Variants in PRMT2 observed in about 807,000 individuals in gnomAD.
PRMT2 encodes the protein protein arginine methyltransferase 2.
In PRMT2, 26 loss-of-function variants were observed where a neutral mutation model predicts 57.6. That is an observed-to-expected ratio of 0.45 (90% CI 0.33 to 0.63). The LOEUF is 0.63. Among genes scored for constraint, PRMT2 ranks in the 20% least tolerant of loss-of-function variants. The pLI is 0.02. For synonymous variants in PRMT2, 219 were observed against 220.0 expected (o/e 1.00, Z 0.04); for missense variants, 472 against 564.4 (o/e 0.84, Z 1.66).
Position 46,650,040 on chromosome 21 carries a change from T to A in PRMT2, c.654+301T>A, listed in dbSNP as rs527457566. 1.2e-4 allele frequency: 159 copies of A among 1,298,276 alleles called. No individual in the cohort carries two copies. The South Asian group carries it at 2.4e-3, about 20-fold the overall frequency. 80.4% of individuals were successfully genotyped at this position (1,298,276 alleles called of 1,614,324 possible). On this transcript the variant is annotated intron_variant, in intron 7 of 11. Coordinates refer to ENST00000355680, the MANE Select transcript of PRMT2 (RefSeq NM_206962.4). ...AAATCCTGTGCCTAACAGGTAAGGC[T>A]GTTTCTTTAATGCCAGTAGGGCCTT...
chr21:46,651,767 G>A (rs750208195), intron 7 of PRMT2: 11 of 1,608,578 alleles, frequency 6.8e-6, no homozygotes, highest in Middle Eastern at 1.7e-4. Flanking sequence ...TCTGGGAGTC[G>A]TTGGTGCGGT....
chr21:46,651,284 G>A (rs1043162624), intron 7 of PRMT2, among the ~76,000 whole-genome samples: 1 of 152,198 alleles, frequency 6.6e-6, no homozygotes, highest in South Asian at 2.1e-4. Flanking sequence ...GAGCAGGACG[G>A]TGCCTCCCAG....
chr21:46,658,582 A>C (rs2061573071), intron 7 of PRMT2, 163 bp from the exon 8 acceptor site: 3 of 1,298,526 alleles, frequency 2.3e-6, no homozygotes, highest in Non-Finnish European at 3.1e-6. Context: ...CATAAAATAA[A>C]CCCTCGAGAT....
At chr21:46,662,134 C>T (rs908350838) in intron 10 of PRMT2, among the ~76,000 whole-genome samples, 198 bp downstream of exon 10, 1 of 151,904 alleles carries the variant, frequency 6.6e-6, no homozygotes, top group African/African-American at 2.4e-5. Flanking sequence ...CCTGTGTGCC[C>T]CCTTCCGGGT....
chr21:46,645,802 T>TG (rs2062365820), intron 5 of PRMT2, among the ~76,000 whole-genome samples: 1 of 151,828 alleles, frequency 6.6e-6, no homozygotes, highest in Admixed American at 6.6e-5. Context: ...CTGCAGCCTC[T>TG]GCCTCCCGGG....
In PRMT2 at chr21:46,660,904, C is replaced by T; in HGVS notation, c.902C>T (p.Ser301Phe). The T allele has an allele frequency of 6.2e-7, 1 of 1,613,566 alleles. No homozygotes were observed. Among genetic ancestry groups the T allele is most frequent in the Non-Finnish European group, 8.5e-7 (1 of 1,179,494 alleles). Residue 301 changes from serine to phenylalanine, a missense_variant, in exon 9 of 12, where the codon TCT becomes TTT. Around this residue, in one of 2 missense-constraint regions of PRMT2, gnomAD observed 229 missense variants for 217.2 expected, o/e 1.05. Coordinates refer to ENST00000355680, the MANE Select transcript of PRMT2 (RefSeq NM_206962.4). Reference protein sequence around the residue: ...NHILKPEDCLSEPCTILQLDM... With the variant: ...NHILKPEDCLFEPCTILQLDM... ...ATTTTGAAACCAGAAGACTGTCTCT[C>T]TGAACCGTGCACTATATTGCAGTTG...
rs964184054 is a variant in PRMT2, at chr21:46,649,409, C to T, written c.490-166C>T. The stretch of plus-strand genomic sequence containing the variant: ...TTAGAGGCGGCTCCTTTCTGGGTGC[C>T]CCTGGAGGGGCAGGTGTGGCCAGTC... On this transcript the variant is annotated intron_variant, in intron 6 of 11. Transcript: ENST00000355680. The surrounding 1 kb of genome is among the most constrained non-coding windows in gnomAD (Gnocchi z 4.8). 9.3e-7 allele frequency: 1 copy of T among 1,080,074 alleles called. No homozygotes were observed. The highest frequency in any genetic ancestry group is 1.3e-5 in the South Asian group (1 of 76,480). The allele number at this position is 1,080,074 out of a possible 1,614,324, so 66.9% of individuals were successfully genotyped here.
chr21:46,661,741 A>T (rs560413993), intron 9 of PRMT2, 59 bp from the exon 10 acceptor site: 1 of 1,274,510 alleles, frequency 7.8e-7, no homozygotes, highest in East Asian at 3.2e-5. Flanking sequence ...GGCCGCCCCA[A>T]CCCGGGCCCT....
intron 10 of PRMT2, among the ~76,000 whole-genome samples, chr21:46,662,698 C>T (rs796704136): frequency 3.9e-5 from 6 of 152,202 alleles, no homozygotes; most frequent in African/African-American, 1.4e-4. Flanking sequence ...ACCTGAGGAG[C>T]CCCCCACTTC....
chr21:46,656,606 G>A (rs1178346630), intron 7 of PRMT2, among the ~76,000 whole-genome samples: 1 of 152,136 alleles, frequency 6.6e-6, no homozygotes, highest in Non-Finnish European at 1.5e-5. Flanking sequence ...TTCAGCAAAT[G>A]TTACTGGAAT....
At chr21:46,641,504 A>G (rs2061274025) in intron 3 of PRMT2, among the ~76,000 whole-genome samples, 1 of 152,180 alleles carries the variant, frequency 6.6e-6, no homozygotes, top group Non-Finnish European at 1.5e-5. Context: ...CCTGGCCAAC[A>G]TGATGAAACC....
chr21:46,636,464 T>C lies in PRMT2; in HGVS notation c.-140T>C, dbSNP rs11543052. The C allele has an allele frequency of 0.011, 1,651 of 154,982 alleles. 11 individuals carry two copies. Among genetic ancestry groups the C allele is most frequent in the Non-Finnish European group, 0.014 (999 of 69,830 alleles). 9.6% of individuals were successfully genotyped at this position (154,982 alleles called of 1,614,324 possible). ...AGCAGTGTGTGGATTACACTATCAC[T>C]GGAAAAATACGAATTGAGAAGAAGG... On this transcript the variant is annotated 5_prime_UTR_variant, in exon 2 of 12. Coordinates refer to ENST00000355680, the MANE Select transcript of PRMT2 (RefSeq NM_206962.4).
At chr21:46,647,984 G>T (rs1016066040) in intron 5 of PRMT2, among the ~76,000 whole-genome samples, 1 of 151,800 alleles carries the variant, frequency 6.6e-6, no homozygotes, top group Non-Finnish European at 1.5e-5. Flanking sequence ...TTTTTTTAAA[G>T]CATTTTCCTC....
chr21:46,647,537 C>T (rs940659283), intron 5 of PRMT2, among the ~76,000 whole-genome samples: 25 of 152,112 alleles, frequency 1.6e-4, no homozygotes, highest in Non-Finnish European at 1.9e-4. Context: ...CACACTCTGT[C>T]GTATGAGTGG....
At position 46,661,134 on chromosome 21, in the gene PRMT2, C is replaced by G. The variant is rs994236060; in HGVS notation, c.960+172C>G. ...ATAAAACGTTTGCTACTGATTTTTT[C>G]CAGTCTTTTTTCTTTTTTACGTTCT... On this transcript the variant is annotated intron_variant, in intron 9 of 11. Coordinates refer to ENST00000355680, the MANE Select transcript of PRMT2 (RefSeq NM_206962.4). 3.9e-5 allele frequency: 25 copies of G among 645,570 alleles called. No homozygotes were observed. The East Asian group carries it at 7.9e-4, about 20-fold the overall frequency. 40.0% of individuals were successfully genotyped at this position (645,570 alleles called of 1,614,324 possible). A position where few individuals can be genotyped will look rare whatever the true frequency, so the allele number is the denominator to read the frequency against.
chr21:46,642,074 G>A (rs115886146), intron 3 of PRMT2, among the ~76,000 whole-genome samples: 20 of 152,342 alleles, frequency 1.3e-4, no homozygotes, highest in African/African-American at 4.8e-4. Context: ...TATTGAGTGA[G>A]AGTGTGGGAA....
intron 3 of PRMT2, among the ~76,000 whole-genome samples, chr21:46,637,197 C>G (rs1396314110): frequency 1.3e-5 from 2 of 152,162 alleles, no homozygotes; most frequent in South Asian, 2.1e-4. Flanking sequence ...CATAACAATT[C>G]TAAGGAAATA....
rs746391162 is a variant in PRMT2 at position 46,661,860 on chromosome 21, G to T, written c.1021G>T (p.Ala341Ser). The change falls in exon 10 of 12, where the codon GCC (alanine) becomes TCC (serine). Residue 341 changes from alanine (A) to serine (S), a missense_variant. Transcript: ENST00000355680. ...RKAGTLHGFTAWFSVHFQSLQ... is the reference protein window; with the variant it reads ...RKAGTLHGFTSWFSVHFQSLQ... ...GGCGGGGACCCTGCACGGCTTCACG[G>T]CCTGGTTTAGCGTCCACTTCCAGAG... The T allele has an allele frequency of 5.9e-6, 9 of 1,515,014 alleles. No individual in the cohort carries two copies. In the Admixed American group the frequency reaches 1.4e-4, roughly 23 times the overall value. 93.8% of individuals were successfully genotyped at this position (1,515,014 alleles called of 1,614,324 possible). A position where few individuals can be genotyped will look rare whatever the true frequency, so the allele number is the denominator to read the frequency against.
chr21:46,644,280 T>C (rs535395793), intron 4 of PRMT2, 26 bp from the exon 5 acceptor site: 22 of 1,596,544 alleles, frequency 1.4e-5, no homozygotes, highest in Middle Eastern at 1.7e-4. Context: ...GGTTTTCTTA[T>C]TGAATTTTAA....
Sources: allele counts gnomAD v4.1 joint callset (sites outside exome capture counted in the v4.1 genomes callset), GRCh38; gene constraint gnomAD v4.1.1; regional missense constraint gnomAD v4.1.1; non-coding constraint Gnocchi (gnomAD v3.1); transcripts MANE v1.5; gene names NCBI Gene and HGNC (gene_info 2026-07-23, HGNC 2026-07-21).